The following MAN2B1 variants were observed in gnomAD, a reference collection of about 807,000 sequenced individuals.
The protein encoded by MAN2B1 is lysosomal alpha-mannosidase.
In MAN2B1, 99 loss-of-function variants were observed where a neutral mutation model predicts 127.5. The ratio of observed to expected loss-of-function variants is 0.78; its 90% CI spans 0.66 to 0.92. The LOEUF (loss-of-function observed/expected upper bound fraction) is 0.92, where lower values mean the gene tolerates loss of function less well. Ranked by LOEUF, MAN2B1 falls within the 40% of genes least tolerant of loss-of-function variation. The pLI is 0.00. For synonymous variants in MAN2B1, 573 were observed against 568.8 expected, an observed-to-expected ratio of 1.01 and a Z score of -0.11; for missense variants, 1,304 against 1,384.8, an observed-to-expected ratio of 0.94 and a Z score of 0.93.
At chr19:12,655,632 G>A in intron 14 of MAN2B1, 62 bp downstream of exon 14, 2 of 1,543,086 alleles carry the variant, frequency 1.3e-6, no homozygotes, top group South Asian at 1.2e-5. Context: ...AGTCCACACA[G>A]CTCACCATGA....
Position 12,647,543 on chromosome 19 carries a change from C to G in MAN2B1, c.2720G>C (p.Ser907Thr). The change falls in exon 22 of 24, where the codon AGC becomes ACC. Residue 907 changes from serine to threonine, a missense_variant. By Grantham distance (58) the Ser-to-Thr change is moderately conservative. Coordinates refer to ENST00000456935, the MANE Select transcript of MAN2B1 (RefSeq NM_000528.4). The surrounding 1 kb of genome is among the most constrained non-coding windows in gnomAD (Gnocchi z 4.9). ...PPSVHLLTLASWGPEMVLLRL... is the reference protein window; with the variant it reads ...PPSVHLLTLATWGPEMVLLRL... ...CAGCAGCACCATTTCGGGGCCCCAG[C>G]TGGCCAGCGTGAGCAGGTGCACCGA... The G allele has an allele frequency of 6.2e-7, 1 of 1,614,192 alleles. No homozygotes were observed. Among genetic ancestry groups the G allele is most frequent in the East Asian group, 2.2e-5 (1 of 44,870 alleles).
At chr19:12,664,051 C>A (rs566725662) in intron 4 of MAN2B1, among the ~76,000 whole-genome samples, 1 of 152,144 alleles carries the variant, frequency 6.6e-6, no homozygotes, top group Non-Finnish European at 1.5e-5. Flanking sequence ...ACAACACGGG[C>A]AGACTGTCTA....
At chr19:12,658,586 C>A in intron 7 of MAN2B1, 76 bp from the exon 8 acceptor site, 1 of 1,204,340 alleles carries the variant, frequency 8.3e-7, no homozygotes, top group Middle Eastern at 1.9e-4. Context: ...CACATGTGTG[C>A]ACATTCATGC....
Position 12,648,270 on chromosome 19 carries a change from G to A in MAN2B1, c.2569C>T (p.Arg857Trp). Residue 857 changes from arginine (R) to tryptophan (W), a missense_variant, in exon 21 of 24, where the codon CGG becomes TGG. Transcript: ENST00000456935. ...DTAQAAAAGH[R>W]LLAEQEVLAP... ...AGGACCTCCTGCTCCGCCAGGAGCC[G>A]GTGTCCGGCGGCTGCAGCCTGGGCT... 6.2e-7 allele frequency: 1 copy of A among 1,608,228 alleles called. No homozygotes were observed. The highest frequency in any genetic ancestry group is 8.5e-7 in the Non-Finnish European group (1 of 1,178,702).
rs1043706951 is a variant in MAN2B1, at chr19:12,647,869, C to A, written c.2665-271G>T. Among the ~76,000 whole-genome samples, 1 of 123,610 alleles carries A rather than the reference C, an allele frequency of 8.1e-6. No individual in the cohort carries two copies. The highest frequency in any genetic ancestry group is 1.7e-5 in the Non-Finnish European group (1 of 58,684). The allele number at this position is 123,610 out of a possible 152,430, so 81.1% of individuals were successfully genotyped here. ...GGGAGTTACGGCGGGGCTGAAGCCG[C>A]GGGGCTGGGTGAGGCAGGACAGAGC... On this transcript the variant is annotated intron_variant, in intron 21 of 23. Coordinates refer to ENST00000456935, the MANE Select transcript of MAN2B1 (RefSeq NM_000528.4). This position sits in a 1 kb window ranked among gnomAD's most constrained non-coding sequence, Gnocchi z 4.9.
At chr19:12,665,884 G>A in intron 1 of MAN2B1, 79 bp from the exon 2 acceptor site, 2 of 1,135,800 alleles carry the variant, frequency 1.8e-6, no homozygotes, top group Admixed American at 1.8e-5. Context: ...TTGATCTAGA[G>A]GTGAGTGACT....
At position 12,657,342 on chromosome 19, in the gene MAN2B1, G is replaced by C. The variant is rs1214142175; in HGVS notation, c.1419+104C>G. 4.6e-6 allele frequency: 5 copies of C among 1,081,394 alleles called. No homozygotes were observed. In the African/African-American group the frequency reaches 7.9e-5, roughly 17 times the overall value. The allele number at this position is 1,081,394 out of a possible 1,614,324, so 67.0% of individuals were successfully genotyped here. Reference sequence around the variant, plus strand: ...ACGAGCCCTTGTAGCCCCGCCACAGGGCTCTCGGCTACGCCTCACACCTGT... The same window carrying C: ...ACGAGCCCTTGTAGCCCCGCCACAGCGCTCTCGGCTACGCCTCACACCTGT... On this transcript the variant is annotated intron_variant, in intron 11 of 23. Transcript: ENST00000456935.
intron 7 of MAN2B1, among the ~76,000 whole-genome samples, chr19:12,659,945 G>A (rs915050077): frequency 2.6e-5 from 4 of 152,104 alleles, no homozygotes; most frequent in African/African-American, 4.8e-5. Flanking sequence ...AGATTGCACC[G>A]TAGTGAGGAC....
intron 12 of MAN2B1, 37 bp from the exon 13 acceptor site, chr19:12,656,724 G>T: frequency 6.9e-7 from 1 of 1,452,600 alleles, no homozygotes; most frequent in Non-Finnish European, 9.7e-7. Context: ...ATGGGTCACA[G>T]CAGGCCTTCT....
intron 17 of MAN2B1, 41 bp from the exon 18 acceptor site, chr19:12,650,055 AC>A: frequency 6.2e-7 from 1 of 1,609,400 alleles, no homozygotes; most frequent in South Asian, 1.1e-5. Flanking sequence ...CCTTGGATAA[AC>A]CCCTCTGCCC....
chr19:12,660,288 G>A (rs1320366438), intron 7 of MAN2B1, among the ~76,000 whole-genome samples: 1 of 152,114 alleles, frequency 6.6e-6, no homozygotes, highest in Non-Finnish European at 1.5e-5. Flanking sequence ...GGTGGATCAC[G>A]AGGTCAAGAA....
chr19:12,647,352 G>C lies in MAN2B1; in HGVS notation c.2821-17C>G, dbSNP rs1047812725. On this transcript the variant is annotated splice_polypyrimidine_tract_variant and intron_variant, in intron 22 of 23. Transcript: ENST00000456935. The surrounding 1 kb of genome is among the most constrained non-coding windows in gnomAD (Gnocchi z 4.9). ...GAACAGGTCCTGCGGGGAAGGGGAT[G>C]GGCCCAGATGAGTTGGGGCAAAGCC... 1.2e-6 allele frequency: 2 copies of C among 1,612,142 alleles called. No homozygotes were observed. The highest frequency in any genetic ancestry group is 1.7e-5 in the Admixed American group (1 of 60,008).
chr19:12,656,533 G>A lies in MAN2B1; in HGVS notation c.1644+38C>T, dbSNP rs759840492. The A allele has an allele frequency of 1.3e-5, 19 of 1,434,952 alleles. No individual in the cohort carries two copies. In the African/African-American group the frequency reaches 2.5e-4, roughly 19 times the overall value. 88.9% of individuals were successfully genotyped at this position (1,434,952 alleles called of 1,614,324 possible). A position where few individuals can be genotyped will look rare whatever the true frequency, so the allele number is the denominator to read the frequency against. On this transcript the variant is annotated intron_variant, in intron 13 of 23. Transcript: ENST00000456935. Reference sequence around the variant, plus strand: ...CGATGAGGAAATGCCCACTGGGGGAGGAGTCCCAGCGGGGGAATATTCGTT... The same window carrying A: ...CGATGAGGAAATGCCCACTGGGGGAAGAGTCCCAGCGGGGGAATATTCGTT...
At chr19:12,649,853 C>T (rs1421821535) in intron 18 of MAN2B1, 60 bp downstream of exon 18, 12 of 1,346,298 alleles carry the variant, frequency 8.9e-6, no homozygotes, top group Non-Finnish European at 1.2e-5. Context: ...ATTTCCCTCA[C>T]CACCCCTGGG....
In MAN2B1 at chr19:12,661,301, A is replaced by G. The variant is rs2024097852; in HGVS notation, c.985T>C (p.Phe329Leu). 2 of 1,613,938 alleles carry G rather than the reference A, an allele frequency of 1.2e-6. No homozygotes were observed. Among genetic ancestry groups the G allele is most frequent in the East Asian group, 2.2e-5 (1 of 44,894 alleles). Reference protein sequence around the residue: ...DFQYENANMWFKNLDKLIRLV... With the variant: ...DFQYENANMWLKNLDKLIRLV... ...CGGATGAGCTTGTCAAGGTTCTTGA[A>G]CCACATGTTGGCATTCTCATATTGG... The change falls in exon 7 of 24, where the codon TTC (phenylalanine) becomes CTC (leucine). Residue 329 changes from phenylalanine to leucine, a missense_variant. Phe to Leu is a conservative substitution (Grantham distance 22). Transcript: ENST00000456935.
At position 12,652,152 on chromosome 19, in the gene MAN2B1, C is replaced by T. The variant is rs1555707087; in HGVS notation, c.2046+1G>A. ...CCCACTCATCATTCCTAGTCCCTGACCTTCACCAGGTGGATCTGAGCCCAG... is the reference window on the plus strand; with the variant it reads ...CCCACTCATCATTCCTAGTCCCTGATCTTCACCAGGTGGATCTGAGCCCAG... On this transcript the variant is annotated splice_donor_variant, in intron 16 of 23. Transcript: ENST00000456935. LOFTEE classifies it high-confidence loss of function. The T allele has an allele frequency of 5.0e-6, 8 of 1,612,928 alleles. No individual in the cohort carries two copies. The highest frequency in any genetic ancestry group is 6.8e-6 in the Non-Finnish European group (8 of 1,178,890).
chr19:12,656,460 T>G, intron 13 of MAN2B1, 111 bp downstream of exon 13: 1 of 756,982 alleles, frequency 1.3e-6, no homozygotes, highest in East Asian at 2.5e-5. Context: ...GGGGAAGAGA[T>G]ATGCATGAGT....
chr19:12,654,600 T>A (rs570145364), intron 14 of MAN2B1, among the ~76,000 whole-genome samples: 4 of 152,222 alleles, frequency 2.6e-5, no homozygotes, highest in Non-Finnish European at 4.4e-5. Context: ...ACGTTTTAAC[T>A]TCTTTTATTT....
intron 10 of MAN2B1, 39 bp downstream of exon 10, chr19:12,658,024 C>T (rs1222764651): frequency 8.4e-6 from 13 of 1,540,034 alleles, no homozygotes; most frequent in African/African-American, 1.4e-5. Flanking sequence ...TTTCCAACTT[C>T]AGCCGCAAAC....
Sources: allele counts gnomAD v4.1 joint callset (sites outside exome capture counted in the v4.1 genomes callset), GRCh38; gene constraint gnomAD v4.1.1; non-coding constraint Gnocchi (gnomAD v3.1); transcripts MANE v1.5; gene names NCBI Gene and HGNC (gene_info 2026-07-23, HGNC 2026-07-21).